RSPO1: variants seen among roughly 807,000 people sequenced by gnomAD.
The protein encoded by RSPO1 is R-spondin 1.
RSPO1 carries 18 observed loss-of-function variants against 26.0 expected under a neutral mutation model. The ratio of observed to expected loss-of-function variants is 0.69; its 90% CI spans 0.48 to 1.03. The LOEUF (loss-of-function observed/expected upper bound fraction) is 1.03, where lower values mean the gene tolerates loss of function less well. RSPO1 is among the 50% of genes least tolerant of loss of function. RSPO1 has a pLI of 0.00. For synonymous variants in RSPO1, 133 were observed against 137.4 expected (o/e 0.97, Z 0.22); for missense variants, 309 against 352.3 (o/e 0.88, Z 0.98).
At chr1:37,617,192 G>C (rs1027235429) in intron 3 of RSPO1, among the ~76,000 whole-genome samples, 1 of 152,186 alleles carries the variant, frequency 6.6e-6, no homozygotes, top group Non-Finnish European at 1.5e-5. Flanking sequence ...GGGGACATTT[G>C]ACAATGCCTA....
intron 3 of RSPO1, among the ~76,000 whole-genome samples, chr1:37,624,104 G>T (rs898218108): frequency 6.6e-6 from 1 of 152,062 alleles, no homozygotes; most frequent in Non-Finnish European, 1.5e-5. Flanking sequence ...CAATGGAAGG[G>T]CATCGTTGGG....
intron 4 of RSPO1, among the ~76,000 whole-genome samples, chr1:37,615,343 T>C: frequency 6.6e-6 from 1 of 152,190 alleles, no homozygotes; most frequent in East Asian, 1.9e-4. Flanking sequence ...CTACCATTCA[T>C]TGAGTGCCAG....
intron 3 of RSPO1, among the ~76,000 whole-genome samples, chr1:37,618,758 G>T (rs568372551): frequency 2.0e-5 from 3 of 152,274 alleles, no homozygotes; most frequent in African/African-American, 7.2e-5. Flanking sequence ...GAGCTGTGGG[G>T]CCAGACGTGA....
In RSPO1 at chr1:37,617,801, G is replaced by A. The variant is rs537236485; in HGVS notation, c.95-1126C>T. On this transcript the variant is annotated intron_variant, in intron 3 of 6. Coordinates refer to ENST00000356545, the MANE Select transcript of RSPO1 (RefSeq NM_001242908.2). Reference sequence around the variant, plus strand: ...ATAGAGGCCCTTCCATGGACCTTGCGCAGTGTGAGCCCTGGGGACAGAGGT... The same window carrying A: ...ATAGAGGCCCTTCCATGGACCTTGCACAGTGTGAGCCCTGGGGACAGAGGT... Among the ~76,000 whole-genome samples the A allele has an allele frequency of 4.6e-5, 7 of 151,868 alleles. No homozygotes were observed. In the East Asian group the frequency reaches 7.7e-4, roughly 17 times the overall value.
At chr1:37,620,194 T>A (rs932962832) in intron 3 of RSPO1, among the ~76,000 whole-genome samples, 8 of 152,110 alleles carry the variant, frequency 5.3e-5, no homozygotes, top group African/African-American at 1.9e-4. Context: ...ACTAAAAGTG[T>A]GGTTAGACTA....
chr1:37,632,704 G>A (rs913116643), intron 1 of RSPO1, among the ~76,000 whole-genome samples: 9 of 152,202 alleles, frequency 5.9e-5, no homozygotes, highest in Non-Finnish European at 1.0e-4. Context: ...TCTCGGACTA[G>A]GAACCCTGCA....
At chr1:37,628,134 C>T (rs530523730) in intron 3 of RSPO1, among the ~76,000 whole-genome samples, 2 of 152,356 alleles carry the variant, frequency 1.3e-5, no homozygotes, top group East Asian at 3.9e-4. Flanking sequence ...CAGCGTTAAG[C>T]ACATGTACAC....
chr1:37,619,159 G>T (rs1557433025), intron 3 of RSPO1, among the ~76,000 whole-genome samples: 2 of 152,224 alleles, frequency 1.3e-5, no homozygotes, highest in Non-Finnish European at 2.9e-5. Flanking sequence ...GGAGGCAGGG[G>T]CTGCAGTGAG....
At chr1:37,612,979 A>G in intron 6 of RSPO1, 58 bp from the exon 7 acceptor site, 1 of 1,587,780 alleles carries the variant, frequency 6.3e-7, no homozygotes, top group South Asian at 1.1e-5. Flanking sequence ...GGCCCTGGGC[A>G]TGGCCACAGG....
intron 3 of RSPO1, among the ~76,000 whole-genome samples, chr1:37,617,757 A>G (rs1644139538): frequency 6.7e-6 from 1 of 150,266 alleles, no homozygotes; most frequent in South Asian, 2.1e-4. Context: ...CTTTGATCTC[A>G]CTTACTTGTT....
chr1:37,631,946 T>C (rs1644366533), intron 2 of RSPO1: 1 of 152,370 alleles, frequency 6.6e-6, no homozygotes. Flanking sequence ...GATTTGCCTT[T>C]AATTGCAGCA....
At chr1:37,617,969 C>T (rs1193668893) in intron 3 of RSPO1, among the ~76,000 whole-genome samples, 1 of 152,096 alleles carries the variant, frequency 6.6e-6, no homozygotes, top group African/African-American at 2.4e-5. Context: ...TCACTGGGGA[C>T]AAGTCTTAGA....
At chr1:37,629,535 G>A in intron 3 of RSPO1, 33 bp downstream of exon 3, 1 of 1,599,856 alleles carries the variant, frequency 6.3e-7, no homozygotes, top group Non-Finnish European at 8.6e-7. Context: ...CATTCCCAAG[G>A]CCAGCTGTGG....
Position 37,629,559 on chromosome 1 carries a change from A to C in RSPO1, c.94+9T>G. On this transcript the variant is annotated intron_variant, in intron 3 of 6. Coordinates refer to ENST00000356545, the MANE Select transcript of RSPO1 (RefSeq NM_001242908.2). ...GGCCAGCTGTGGCCCACCATGCTCC[A>C]TTACTCACTCCGCCTCTGCCTTTTC... 3 of 1,613,632 alleles carry C rather than the reference A, an allele frequency of 1.9e-6. No homozygotes were observed. Among genetic ancestry groups the C allele is most frequent in the Non-Finnish European group, 2.5e-6 (3 of 1,179,612 alleles).
chr1:37,612,895 C>G lies in RSPO1; in HGVS notation c.652G>C (p.Gly218Arg). Residue 218 changes from glycine (G) to arginine (R), a missense_variant, in exon 7 of 7, where the codon GGC (glycine) becomes CGC (arginine). By Grantham distance (125) the Gly-to-Arg change is moderately radical. Coordinates refer to ENST00000356545, the MANE Select transcript of RSPO1 (RefSeq NM_001242908.2). The stretch of plus-strand genomic sequence containing the variant: ...TTCCTGTTGGCATTCTCCCGCCGGC[C>G]CTGGCCTCCCTTCCTCCTCTTCTGC... Reference protein sequence around the residue: ...EGQKRRKGGQGRRENANRNLA... With the variant: ...EGQKRRKGGQRRRENANRNLA... The G allele has an allele frequency of 1.9e-6, 3 of 1,614,122 alleles. No homozygotes were observed. Among genetic ancestry groups the G allele is most frequent in the Non-Finnish European group, 2.5e-6 (3 of 1,180,040 alleles).
chr1:37,634,773 C>G lies in RSPO1; in HGVS notation c.-563G>C, dbSNP rs1191723253. The G allele has an allele frequency of 2.0e-5, 3 of 152,274 alleles. No individual in the cohort carries two copies. Among genetic ancestry groups the G allele is most frequent in the Non-Finnish European group, 4.4e-5 (3 of 68,080 alleles). The allele number at this position is 152,274 out of a possible 1,614,324, so 9.4% of individuals were successfully genotyped here. ...TCCTCCGGGGCGGCTCGGAGCTGCC[C>G]TCGTTCTCCGCAGCACCCGAGCGGA... On this transcript the variant is annotated 5_prime_UTR_variant, in exon 1 of 7. Transcript: ENST00000356545. This position sits in a 1 kb window ranked among gnomAD's most constrained non-coding sequence, Gnocchi z 4.7.
Position 37,613,898 on chromosome 1 carries a change from A to T in RSPO1, c.437-6T>A. The T allele has an allele frequency of 6.2e-7, 1 of 1,613,938 alleles. No individual in the cohort carries two copies. The highest frequency in any genetic ancestry group is 8.5e-7 in the Non-Finnish European group (1 of 1,179,936). On this transcript the variant is annotated splice_region_variant and splice_polypyrimidine_tract_variant and intron_variant, in intron 5 of 6. Coordinates refer to ENST00000356545, the MANE Select transcript of RSPO1 (RefSeq NM_001242908.2). The surrounding 1 kb of genome is among the most constrained non-coding windows in gnomAD (Gnocchi z 4.5). ...CTCGCTCATTTCACATTGCGCTGGCAGGAAGAGAAGGGAAGGGAGAGAAGG... is the reference window on the plus strand; with the variant it reads ...CTCGCTCATTTCACATTGCGCTGGCTGGAAGAGAAGGGAAGGGAGAGAAGG...
At chr1:37,619,800 T>G (rs1261664826) in intron 3 of RSPO1, among the ~76,000 whole-genome samples, 1 of 151,640 alleles carries the variant, frequency 6.6e-6, no homozygotes, top group Non-Finnish European at 1.5e-5. Context: ...CAGGCTGGAG[T>G]GCAGTGGCAC....
chr1:37,626,786 G>A lies in RSPO1; in HGVS notation c.94+2782C>T, dbSNP rs556020744. ...CTGGGAGGCAGGACTGAGAGAGGGG[G>A]CCCAAGAATCAGAGAGGAGAAGGGG... On this transcript the variant is annotated intron_variant, in intron 3 of 6. Transcript: ENST00000356545. 9.5e-4 allele frequency among the ~76,000 whole-genome samples: 145 copies of A among 152,228 alleles called. 1 individual carries two copies. The highest frequency in any genetic ancestry group is 3.4e-3 in the African/African-American group (140 of 41,532).
Sources: allele counts gnomAD v4.1 joint callset (sites outside exome capture counted in the v4.1 genomes callset), GRCh38; gene constraint gnomAD v4.1.1; non-coding constraint Gnocchi (gnomAD v3.1); transcripts MANE v1.5; gene names NCBI Gene and HGNC (gene_info 2026-07-23, HGNC 2026-07-21).